PTPRT: variants seen among roughly 807,000 people sequenced by gnomAD.
PTPRT encodes receptor-type tyrosine-protein phosphatase T.
A neutral mutation model predicts 176.8 loss-of-function variants in PTPRT; 56 were observed. The ratio of observed to expected loss-of-function variants is 0.32; its 90% CI spans 0.26 to 0.40. The LOEUF is 0.40. PTPRT is among the 10% of genes least tolerant of loss of function. The probability of loss-of-function intolerance (pLI) is 1.00; values close to 1 mark genes in which losing one functional copy is unlikely to be tolerated. For synonymous variants in PTPRT, 783 were observed against 739.0 expected (o/e 1.06, Z -0.96); for missense variants, 1,540 against 1,908.2 (o/e 0.81, Z 3.60).
chr20:42,099,784 C>G (rs543668342), intron 26 of PTPRT, among the ~76,000 whole-genome samples: 35 of 151,482 alleles, frequency 2.3e-4, no homozygotes, highest in African/African-American at 8.5e-4. Context: ...CAGGACAAAG[C>G]CTTGCAAACA....
intron 7 of PTPRT, among the ~76,000 whole-genome samples, chr20:42,577,458 T>G (rs572236128): frequency 2.0e-5 from 3 of 152,302 alleles, no homozygotes; most frequent in South Asian, 4.1e-4. Flanking sequence ...CATGCAGGTT[T>G]GAGAACACTG....
At chr20:42,944,577 C>T (rs206651) in intron 1 of PTPRT, among the ~76,000 whole-genome samples, 12,896 of 152,202 alleles carry the variant, frequency 0.085, 1,610 homozygotes, top group African/African-American at 0.27. Flanking sequence ...CTTCCTACAG[C>T]TCTTTGAACA....
chr20:42,489,368 A>G (rs2071520981), intron 7 of PTPRT, among the ~76,000 whole-genome samples: 1 of 152,084 alleles, frequency 6.6e-6, no homozygotes, highest in Non-Finnish European at 1.5e-5. Flanking sequence ...TTTAAAGCCC[A>G]AGTGTAATTG....
At chr20:42,330,202 G>A (rs988542338) in intron 11 of PTPRT, among the ~76,000 whole-genome samples, 2 of 152,206 alleles carry the variant, frequency 1.3e-5, no homozygotes, top group Non-Finnish European at 2.9e-5. Flanking sequence ...TGGGAGCGGT[G>A]GCTCATGCCT....
Position 43,011,157 on chromosome 20 carries a change from A to T in PTPRT, c.89-125225T>A, listed in dbSNP as rs1394412917. Among the ~76,000 whole-genome samples the T allele has an allele frequency of 5.3e-5, 8 of 152,250 alleles. No homozygotes were observed. The East Asian group carries it at 1.5e-3, about 29-fold the overall frequency. On this transcript the variant is annotated intron_variant, in intron 1 of 30. Transcript: ENST00000373187. ...TTCACTCATTCATTCATTCAAAATC[A>T]TTGAATGAGCCTATGTTCCCACAAA...
intron 11 of PTPRT, among the ~76,000 whole-genome samples, chr20:42,336,112 T>G (rs1020249389): frequency 6.6e-6 from 1 of 152,140 alleles, no homozygotes; most frequent in African/African-American, 2.4e-5. Context: ...TGTAATAATA[T>G]AATACTTACA....
chr20:42,305,188 G>A (rs1431712298), intron 12 of PTPRT, among the ~76,000 whole-genome samples: 1 of 151,700 alleles, frequency 6.6e-6, no homozygotes, highest in African/African-American at 2.4e-5. Context: ...ACCCATCTCT[G>A]CTAAAAATAC....
At chr20:42,458,498 C>T (rs2070961790) in intron 8 of PTPRT, among the ~76,000 whole-genome samples, 1 of 152,120 alleles carries the variant, frequency 6.6e-6, no homozygotes, top group Non-Finnish European at 1.5e-5. Context: ...TGTTAATATA[C>T]ACAAAGTGCT....
chr20:42,906,331 C>T (rs73910612), intron 1 of PTPRT, among the ~76,000 whole-genome samples: 6,284 of 152,230 alleles, frequency 0.041, 322 homozygotes, highest in African/African-American at 0.12. Context: ...GGAGCACAGC[C>T]GCTGAGTGGC....
At chr20:42,272,079 C>A (rs1352274404) in intron 13 of PTPRT, among the ~76,000 whole-genome samples, 1 of 152,172 alleles carries the variant, frequency 6.6e-6, no homozygotes. Flanking sequence ...TCTGGCCCCC[C>A]ACTCCCTGTT....
chr20:42,354,512 A>C (rs2058331495), intron 9 of PTPRT, among the ~76,000 whole-genome samples: 2 of 152,158 alleles, frequency 1.3e-5, no homozygotes, highest in African/African-American at 4.8e-5. Flanking sequence ...GCATCAGTTG[A>C]AAAATGAATT....
intron 13 of PTPRT, among the ~76,000 whole-genome samples, chr20:42,254,028 T>C (rs1048517047): frequency 2.6e-5 from 4 of 152,208 alleles, no homozygotes; most frequent in Non-Finnish European, 5.9e-5. Context: ...CCTTGGTTTA[T>C]TAAGCTCTAC....
chr20:42,492,257 A>G (rs2071572764), intron 7 of PTPRT, among the ~76,000 whole-genome samples: 1 of 152,206 alleles, frequency 6.6e-6, no homozygotes, highest in Non-Finnish European at 1.5e-5. Context: ...TATAAAATAA[A>G]CAGGCAAAGT....
intron 1 of PTPRT, among the ~76,000 whole-genome samples, chr20:43,094,212 C>G: frequency 6.8e-6 from 1 of 146,840 alleles, no homozygotes; most frequent in East Asian, 2.0e-4. Context: ...CTCAGCCTCC[C>G]GAGTAGCTGG....
chr20:42,930,455 C>T (rs1568685581), intron 1 of PTPRT, among the ~76,000 whole-genome samples: 1 of 152,002 alleles, frequency 6.6e-6, no homozygotes, highest in Non-Finnish European at 1.5e-5. Context: ...TGCACAATTC[C>T]CTTTACTTTT....
intron 1 of PTPRT, among the ~76,000 whole-genome samples, chr20:43,035,133 T>C (rs1458886955): frequency 6.6e-6 from 1 of 152,062 alleles, no homozygotes; most frequent in East Asian, 1.9e-4. Flanking sequence ...CTCAGGGAAG[T>C]GAGAACAGGC....
intron 7 of PTPRT, among the ~76,000 whole-genome samples, chr20:42,608,716 A>T (rs1469584394): frequency 6.6e-6 from 1 of 152,172 alleles, no homozygotes; most frequent in East Asian, 1.9e-4. Flanking sequence ...CCCAGCTGGC[A>T]CTGTCACCTG....
chr20:42,342,204 G>T (rs933442896), intron 11 of PTPRT, among the ~76,000 whole-genome samples: 1 of 152,198 alleles, frequency 6.6e-6, no homozygotes, highest in African/African-American at 2.4e-5. Flanking sequence ...TATCCCAATG[G>T]TTGGCATATG....
chr20:43,128,535 A>G (rs1235562981), intron 1 of PTPRT, among the ~76,000 whole-genome samples: 2 of 152,222 alleles, frequency 1.3e-5, no homozygotes, highest in Non-Finnish European at 2.9e-5. Flanking sequence ...AGTCAGGTGA[A>G]AAGGACAGAA....
Sources: gnomAD v4.1 joint callset for allele counts (sites outside exome capture counted in the v4.1 genomes callset) on GRCh38, gnomAD v4.1.1 for gene constraint, MANE v1.5 for transcripts, NCBI Gene and HGNC (gene_info 2026-07-23, HGNC 2026-07-21) for gene names.